The following LRP1 variants were observed in gnomAD, a reference collection of about 807,000 sequenced individuals.
LRP1 encodes the protein LDL receptor related protein 1.
Under a neutral mutation model 541.5 loss-of-function variants are expected in LRP1, and 51 were observed. The observed-to-expected ratio is 0.09, with a 90% CI of 0.08 to 0.12. The LOEUF is 0.12. Ranked by LOEUF, LRP1 falls within the 10% of genes least tolerant of loss-of-function variation. LRP1 has a pLI of 1.00. For synonymous variants in LRP1, 2,219 were observed against 2,470.8 expected, an observed-to-expected ratio of 0.90 and a Z score of 3.02; for missense variants, 3,878 against 6,376.2, an observed-to-expected ratio of 0.61 and a Z score of 13.34.
intron 44 of LRP1, 69 bp from the exon 45 acceptor site, chr12:57,192,776 G>A: frequency 1.9e-6 from 3 of 1,595,792 alleles, no homozygotes; most frequent in Non-Finnish European, 1.7e-6. Context: ...GTGAATGGGT[G>A]GGTGCACTCT....
chr12:57,156,084 C>T lies in LRP1; in HGVS notation c.1228-10C>T. ...ATCTCATGCTGTCCATTCTTGCCTGCCCGTCTCAGATTGAGCACCTGTACG... is the reference window on the plus strand; with the variant it reads ...ATCTCATGCTGTCCATTCTTGCCTGTCCGTCTCAGATTGAGCACCTGTACG... On this transcript the variant is annotated splice_polypyrimidine_tract_variant and intron_variant, in intron 8 of 88. Coordinates refer to ENST00000243077, the MANE Select transcript of LRP1 (RefSeq NM_002332.3). The surrounding 1 kb of genome is among the most constrained non-coding windows in gnomAD (Gnocchi z 5.2). The T allele has an allele frequency of 1.2e-6, 2 of 1,611,398 alleles. No individual in the cohort carries two copies. Among genetic ancestry groups the T allele is most frequent in the South Asian group, 2.2e-5 (2 of 90,726 alleles).
In LRP1 at chr12:57,159,920, C is replaced by T; in HGVS notation, c.1894C>T (p.Leu632=). 8 of 1,614,146 alleles carry T rather than the reference C, an allele frequency of 5.0e-6. No individual in the cohort carries two copies. Among genetic ancestry groups the T allele is most frequent in the Non-Finnish European group, 6.8e-6 (8 of 1,180,024 alleles). The part of the protein sequence containing the change: ...GPKKTISVAR[L]EKAAQTRKTL... ...CAAAAAGACAATCAGCGTGGCCAGG[C>T]TGGAGAAAGCTGCTCAGACCCGCAA... Residue 632 remains leucine, a synonymous_variant, in exon 12 of 89, where the codon CTG becomes TTG. Coordinates refer to ENST00000243077, the MANE Select transcript of LRP1 (RefSeq NM_002332.3).
rs745849478 is a variant in LRP1 at position 57,195,725 on chromosome 12, C to T, written c.8505C>T (p.Phe2835=). The change falls in exon 53 of 89, where the codon TTC becomes TTT. Residue 2835 remains phenylalanine, a synonymous_variant. Transcript: ENST00000243077. ...CQNRQCIPKH[F]VCDHDRDCAD... ...ACCGCCAGTGCATCCCCAAGCACTTCGTGTGTGACCACGACCGTGACTGTG... is the reference window on the plus strand; with the variant it reads ...ACCGCCAGTGCATCCCCAAGCACTTTGTGTGTGACCACGACCGTGACTGTG... 2.0e-5 allele frequency: 32 copies of T among 1,614,080 alleles called. No individual in the cohort carries two copies. The highest frequency in any genetic ancestry group is 2.4e-5 in the Non-Finnish European group (28 of 1,180,034).
intron 1 of LRP1, among the ~76,000 whole-genome samples, chr12:57,137,994 C>T (rs2035209319): frequency 6.6e-6 from 1 of 151,982 alleles, no homozygotes; most frequent in African/African-American, 2.4e-5. Flanking sequence ...GGTCAGGGGA[C>T]CAGGAGTGTC....
chr12:57,195,497 C>A, intron 52 of LRP1, 98 bp downstream of exon 52: 4 of 1,572,174 alleles, frequency 2.5e-6, no homozygotes, highest in African/African-American at 2.7e-5. Context: ...AATGCCTCAG[C>A]GGGGTCCACT....
In LRP1 at chr12:57,166,764, G is replaced by A. The variant is rs545883560; in HGVS notation, c.2798-166G>A. Among the ~76,000 whole-genome samples the A allele has an allele frequency of 1.1e-4, 17 of 152,282 alleles. 2 individuals are homozygous for A. Among genetic ancestry groups the A allele is most frequent in the African/African-American group, 3.9e-4 (16 of 41,552 alleles). On this transcript the variant is annotated intron_variant, in intron 17 of 88. Coordinates refer to ENST00000243077, the MANE Select transcript of LRP1 (RefSeq NM_002332.3). ...GATACCAGAGACCCCTTGAGAGAAAGAGTAAAGCATCCAGTGAGACCAGAG... is the reference window on the plus strand; with the variant it reads ...GATACCAGAGACCCCTTGAGAGAAAAAGTAAAGCATCCAGTGAGACCAGAG...
At chr12:57,164,620 C>T (rs996440620) in intron 15 of LRP1, 1 of 152,164 alleles carries the variant, frequency 6.6e-6, no homozygotes, top group African/African-American at 2.4e-5. Context: ...GTTTTATTAT[C>T]CCCATTTTAC....
rs1013608982 is a variant in LRP1, at chr12:57,180,958, G to A, written c.5527+151G>A. 46 of 1,249,882 alleles carry A rather than the reference G, an allele frequency of 3.7e-5. 1 individual carries two copies. Among genetic ancestry groups the A allele is most frequent in the South Asian group, 2.4e-4 (17 of 71,182 alleles). 77.4% of individuals were successfully genotyped at this position (1,249,882 alleles called of 1,614,324 possible). ...CTCCTTGTTTCCTTACCACAAAGGC[G>A]CCTTGTAGGCTCCCAGCAGCCCTGT... On this transcript the variant is annotated intron_variant, in intron 33 of 88. Coordinates refer to ENST00000243077, the MANE Select transcript of LRP1 (RefSeq NM_002332.3).
intron 19 of LRP1, 83 bp downstream of exon 19, chr12:57,167,607 C>G: frequency 9.4e-7 from 1 of 1,060,070 alleles, no homozygotes; most frequent in Non-Finnish European, 1.5e-6. Context: ...CAAAGGGCTT[C>G]AGAATCCAGC....
Position 57,162,290 on chromosome 12 carries a change from C to T in LRP1, c.2203-27C>T, listed in dbSNP as rs1280985880. The T allele has an allele frequency of 6.2e-7, 1 of 1,601,510 alleles. No homozygotes were observed. Among genetic ancestry groups the T allele is most frequent in the Admixed American group, 1.7e-5 (1 of 60,018 alleles). On this transcript the variant is annotated intron_variant, in intron 13 of 88. Coordinates refer to ENST00000243077, the MANE Select transcript of LRP1 (RefSeq NM_002332.3). The surrounding 1 kb of genome is among the most constrained non-coding windows in gnomAD (Gnocchi z 5.2). Reference sequence around the variant, plus strand: ...GGCCTCCCTCAATTTTCTTCCAACTCCTTAGTAACATCCTCTCCATCCCTA... The same window carrying T: ...GGCCTCCCTCAATTTTCTTCCAACTTCTTAGTAACATCCTCTCCATCCCTA...
rs560268715 is a variant in LRP1 at position 57,209,787 on chromosome 12, C to A, written c.12358C>A (p.His4120Asn). 4 of 1,614,218 alleles carry A rather than the reference C, an allele frequency of 2.5e-6. No individual in the cohort carries two copies. The South Asian group carries it at 4.4e-5, about 18-fold the overall frequency. ...TGTCTTCAAGATCCATAAGTTTGGC[C>A]ACAGCCCCTTGGTCAACCTGACAGG... is the stretch of plus-strand genomic sequence containing the variant. ...NRVFKIHKFGHSPLVNLTGGL... is the reference protein window; with the variant it reads ...NRVFKIHKFGNSPLVNLTGGL... The change falls in exon 80 of 89, where the codon CAC becomes AAC. Residue 4120 changes from histidine to asparagine, a missense_variant. By Grantham distance (68) the His-to-Asn change is moderately conservative (BLOSUM62 1). Transcript: ENST00000243077.
At position 57,202,543 on chromosome 12, in the gene LRP1, T is replaced by TGGGGCCCCCCCCCCCCCCCCCCCCCCAC; in HGVS notation, c.10711+6_10711+7insGGGGCCCCCCCCCCCCCCCCCCCCCCAC. On this transcript the variant is annotated splice_region_variant and intron_variant, in intron 68 of 88. Transcript: ENST00000243077. ...CTCCGATGAAGAGAGCTGCAGTACG[T>TGGGGCCCCCCCCCCCCCCCCCCCCCCAC]CCCCACCCACCCAGCCCCGCATGAG... 1 of 1,523,636 alleles carries TGGGGCCCCCCCCCCCCCCCCCCCCCCAC rather than the reference T, an allele frequency of 6.6e-7. No individual in the cohort carries two copies. Among genetic ancestry groups the TGGGGCCCCCCCCCCCCCCCCCCCCCCAC allele is most frequent in the Non-Finnish European group, 8.9e-7 (1 of 1,124,812 alleles). 94.4% of individuals were successfully genotyped at this position (1,523,636 alleles called of 1,614,324 possible). A position where few individuals can be genotyped will look rare whatever the true frequency, so the allele number is the denominator to read the frequency against.
chr12:57,193,051 G>A, intron 45 of LRP1, 81 bp downstream of exon 45: 1 of 1,587,170 alleles, frequency 6.3e-7, no homozygotes, highest in Non-Finnish European at 8.6e-7. Flanking sequence ...ACATGCTCCA[G>A]CCCAGCCCCC....
In LRP1 at chr12:57,206,418, G is replaced by A; in HGVS notation, c.11591-55G>A. The A allele has an allele frequency of 1.3e-6, 2 of 1,566,202 alleles. No homozygotes were observed. Among genetic ancestry groups the A allele is most frequent in the Non-Finnish European group, 1.7e-6 (2 of 1,142,974 alleles). ...TGTTCATGTGAAAGGAGCTGAGCTGGGTGGGGTGCACACCTGCATCCCACA... is the reference window on the plus strand; with the variant it reads ...TGTTCATGTGAAAGGAGCTGAGCTGAGTGGGGTGCACACCTGCATCCCACA... On this transcript the variant is annotated intron_variant, in intron 75 of 88. Coordinates refer to ENST00000243077, the MANE Select transcript of LRP1 (RefSeq NM_002332.3). This position sits in a 1 kb window ranked among gnomAD's most constrained non-coding sequence, Gnocchi z 4.7.
chr12:57,193,851 C>G (rs776202627), intron 47 of LRP1, 48 bp from the exon 48 acceptor site: 1 of 1,598,082 alleles, frequency 6.3e-7, no homozygotes, highest in African/African-American at 1.3e-5. Context: ...CTTCTGGCCC[C>G]CACAGAGAAA....
rs2035620059 is a variant in LRP1 at position 57,156,369 on chromosome 12, C to A, written c.1417+86C>A. 7.4e-7 allele frequency: 1 copy of A among 1,355,824 alleles called. No homozygotes were observed. Among genetic ancestry groups the A allele is most frequent in the Admixed American group, 2.3e-5 (1 of 43,458 alleles). The allele number at this position is 1,355,824 out of a possible 1,614,324, so 84.0% of individuals were successfully genotyped here. A position where few individuals can be genotyped will look rare whatever the true frequency, so the allele number is the denominator to read the frequency against. On this transcript the variant is annotated intron_variant, in intron 9 of 88. Coordinates refer to ENST00000243077, the MANE Select transcript of LRP1 (RefSeq NM_002332.3). This position sits in a 1 kb window ranked among gnomAD's most constrained non-coding sequence, Gnocchi z 5.2. ...TGGGATCACAGCCCCTCTCTGGGCC[C>A]TCCTGTGGGGACCCTGGCTTCTTTC...
Position 57,178,498 on chromosome 12 carries a change from C to G in LRP1, c.4501C>G (p.Leu1501Val), listed in dbSNP as rs2036095252. The G allele has an allele frequency of 6.2e-7, 1 of 1,614,126 alleles. No homozygotes were observed. The highest frequency in any genetic ancestry group is 8.5e-7 in the Non-Finnish European group (1 of 1,180,044). ...VYWTDWRTNT[L>V]AKANKWTGHN... Reference sequence around the variant, plus strand: ...CTGGACTGACTGGCGAACAAACACACTGGCTAAGGCCAACAAGTGGACCGG... The same window carrying G: ...CTGGACTGACTGGCGAACAAACACAGTGGCTAAGGCCAACAAGTGGACCGG... Residue 1501 changes from leucine (L) to valine (V), a missense_variant, in exon 27 of 89, where the codon CTG (leucine) becomes GTG (valine). Transcript: ENST00000243077. This position sits in a 1 kb window ranked among gnomAD's most constrained non-coding sequence, Gnocchi z 5.8.
intron 77 of LRP1, 47 bp from the exon 78 acceptor site, chr12:57,208,664 C>G: frequency 7.9e-7 from 1 of 1,262,228 alleles, no homozygotes; most frequent in Non-Finnish European, 1.1e-6. Context: ...GGGCCTGCCT[C>G]CTCTGGCCCT....
chr12:57,184,917 G>A lies in LRP1; in HGVS notation c.6265G>A (p.Val2089Met), dbSNP rs200489657. The change falls in exon 39 of 89, where the codon GTG (valine) becomes ATG (methionine). Residue 2089 changes from valine to methionine, a missense_variant. Around this residue, in one of 13 missense-constraint regions of LRP1, gnomAD observed 1,100 missense variants for 1,827.4 expected, o/e 0.60. Transcript: ENST00000243077. This position sits in a 1 kb window ranked among gnomAD's most constrained non-coding sequence, Gnocchi z 7.8. ...IDLETGENRE[V>M]VLSSNNMDMF... ...CCTGGAGACAGGTGAGAACCGCGAG[G>A]TGGTTCTGTCCAGCAACAACATGGA... is the stretch of plus-strand genomic sequence containing the variant. 72 of 1,614,196 alleles carry A rather than the reference G, an allele frequency of 4.5e-5. No homozygotes were observed. In the East Asian group the frequency reaches 1.6e-3, roughly 35 times the overall value.
Sources: gnomAD v4.1 joint callset for allele counts (sites outside exome capture counted in the v4.1 genomes callset) on GRCh38, gnomAD v4.1.1 for gene constraint, gnomAD v4.1.1 regional missense constraint, Gnocchi (gnomAD v3.1) non-coding constraint, MANE v1.5 for transcripts, NCBI Gene and HGNC (gene_info 2026-07-23, HGNC 2026-07-21) for gene names.